Variants in MECOM observed in about 807,000 individuals in gnomAD.
The protein encoded by MECOM is MDS1 and EVI1 complex locus.
Under a neutral mutation model 116.3 loss-of-function variants are expected in MECOM, and 13 were observed. The ratio of observed to expected loss-of-function variants is 0.11; its 90% CI spans 0.07 to 0.18. The LOEUF (loss-of-function observed/expected upper bound fraction) is 0.18. Ranked by LOEUF, MECOM falls within the 10% of genes least tolerant of loss-of-function variation. The pLI, the probability that MECOM is intolerant of heterozygous loss-of-function variation, is 1.00. For missense variants in MECOM, 1,299 were observed against 1,509.0 expected, an observed-to-expected ratio of 0.86 and a Z score of 2.31; for synonymous variants, 528 against 535.2, an observed-to-expected ratio of 0.99 and a Z score of 0.19.
At chr3:169,451,120 T>G (rs190957046) in intron 1 of MECOM, among the ~76,000 whole-genome samples, 478 of 152,270 alleles carry the variant, frequency 3.1e-3, no homozygotes, top group African/African-American at 0.011. Context: ...CAACAGCCCT[T>G]CAACAGGGAT....
intron 3 of MECOM, among the ~76,000 whole-genome samples, chr3:169,139,189 T>C (rs1446853159): frequency 1.3e-5 from 2 of 152,132 alleles, no homozygotes; most frequent in African/African-American, 4.8e-5. Context: ...AAAATATACA[T>C]CAGGCATTAG....
In MECOM at chr3:169,594,715, G is replaced by C. The variant is rs9845349; in HGVS notation, c.37+68621C>G. Among the ~76,000 whole-genome samples, 863 of 151,738 alleles carry C rather than the reference G, an allele frequency of 5.7e-3. 9 individuals carry two copies. Among genetic ancestry groups the C allele is most frequent in the African/African-American group, 0.019 (806 of 41,340 alleles). ...AGTCCATCTGCAGGCATTTCACACA[G>C]CTGGCTTTCATAACAAAGCTTATCC... is the stretch of plus-strand genomic sequence containing the variant. On this transcript the variant is annotated intron_variant, in intron 1 of 16. Transcript: ENST00000651503.
intron 1 of MECOM, among the ~76,000 whole-genome samples, chr3:169,570,555 A>G (rs751558090): frequency 6.6e-6 from 1 of 152,216 alleles, no homozygotes; most frequent in African/African-American, 2.4e-5. Context: ...ATTTCAGGCC[A>G]ATATCCCTGA....
At chr3:169,546,262 A>T (rs529789166) in intron 1 of MECOM, among the ~76,000 whole-genome samples, 2 of 152,304 alleles carry the variant, frequency 1.3e-5, no homozygotes, top group South Asian at 4.1e-4. Context: ...TACCTTAAGT[A>T]AGAATAACAC....
chr3:169,161,699 G>A (rs963260097), intron 2 of MECOM, among the ~76,000 whole-genome samples: 1 of 152,116 alleles, frequency 6.6e-6, no homozygotes, highest in Non-Finnish European at 1.5e-5. Flanking sequence ...TATAAGCTGA[G>A]CTTAGTGACA....
At chr3:169,308,400 C>T (rs1718101384) in intron 2 of MECOM, among the ~76,000 whole-genome samples, 1 of 152,134 alleles carries the variant, frequency 6.6e-6, no homozygotes, top group Admixed American at 6.5e-5. Context: ...GGAACTCCCT[C>T]TCTCCAAAAA....
chr3:169,097,664 A>G (rs1722051516), intron 12 of MECOM, among the ~76,000 whole-genome samples: 1 of 151,880 alleles, frequency 6.6e-6, no homozygotes, highest in Admixed American at 6.6e-5. Flanking sequence ...GGACACAGAG[A>G]TGAGTAAGAT....
At chr3:169,232,644 AATAT>A (rs5854321) in intron 2 of MECOM, among the ~76,000 whole-genome samples, 15 of 149,418 alleles carry the variant, frequency 1.0e-4, no homozygotes, top group East Asian at 2.0e-4. Flanking sequence ...CCATTTGTAA[AATAT>A]ATATATATAT....
intron 10 of MECOM, among the ~76,000 whole-genome samples, chr3:169,102,846 A>G (rs1179642037): frequency 6.6e-6 from 1 of 152,048 alleles, no homozygotes; most frequent in African/African-American, 2.4e-5. Flanking sequence ...TTAAATATTA[A>G]TTTTATCAAA....
intron 1 of MECOM, among the ~76,000 whole-genome samples, chr3:169,391,574 CT>C (rs959610449): frequency 6.6e-6 from 1 of 151,756 alleles, no homozygotes; most frequent in Non-Finnish European, 1.5e-5. Context: ...AGATTTTTTG[CT>C]TTTTTTAAGT....
At chr3:169,277,023 C>T (rs904384680) in intron 2 of MECOM, among the ~76,000 whole-genome samples, 9 of 152,004 alleles carry the variant, frequency 5.9e-5, no homozygotes. Context: ...CACACACACA[C>T]ACACACACAC....
intron 1 of MECOM, among the ~76,000 whole-genome samples, chr3:169,503,520 A>T (rs1367039971): frequency 2.6e-5 from 4 of 152,178 alleles, no homozygotes; most frequent in African/African-American, 9.7e-5. Context: ...AAAGTTTAGA[A>T]ATCTTTCTTT....
chr3:169,446,223 A>T (rs1405668499), intron 1 of MECOM, among the ~76,000 whole-genome samples: 2 of 152,122 alleles, frequency 1.3e-5, no homozygotes, highest in East Asian at 3.9e-4. Flanking sequence ...CCCAACTCTC[A>T]ACTTGAATTG....
chr3:169,316,284 C>T (rs1475037067), intron 2 of MECOM, among the ~76,000 whole-genome samples: 1 of 152,236 alleles, frequency 6.6e-6, no homozygotes, highest in East Asian at 1.9e-4. Flanking sequence ...TTAAAACACC[C>T]TCTCACATCT....
intron 2 of MECOM, among the ~76,000 whole-genome samples, chr3:169,249,187 C>T (rs898609835): frequency 2.0e-5 from 3 of 152,000 alleles, no homozygotes; most frequent in African/African-American, 2.4e-5. Context: ...AACGAGTGGG[C>T]GAATGAATGA....
intron 2 of MECOM, among the ~76,000 whole-genome samples, chr3:169,235,706 G>A (rs1232989718): frequency 2.0e-5 from 3 of 151,874 alleles, no homozygotes; most frequent in African/African-American, 7.3e-5. Flanking sequence ...TAGGGCAGAG[G>A]AAAAAGTAAT....
At chr3:169,475,276 A>G (rs73040833) in intron 1 of MECOM, among the ~76,000 whole-genome samples, 8,243 of 152,270 alleles carry the variant, frequency 0.054, 235 homozygotes, top group Non-Finnish European at 0.065. Context: ...ATCTTTCATG[A>G]TTATCCTAAT....
At chr3:169,165,833 G>T (rs1743508118) in intron 2 of MECOM, among the ~76,000 whole-genome samples, 1 of 152,152 alleles carries the variant, frequency 6.6e-6, no homozygotes, top group South Asian at 2.1e-4. Flanking sequence ...AAAGAATCAT[G>T]TTAAAATATG....
At chr3:169,630,520 A>G (rs972903497) in intron 1 of MECOM, among the ~76,000 whole-genome samples, 1 of 151,570 alleles carries the variant, frequency 6.6e-6, no homozygotes, top group Non-Finnish European at 1.5e-5. Flanking sequence ...TGGTATGATC[A>G]CAGCTCACTA....
Sources: allele counts gnomAD v4.1 joint callset (sites outside exome capture counted in the v4.1 genomes callset), GRCh38; gene constraint gnomAD v4.1.1; transcripts MANE v1.5; gene names NCBI Gene and HGNC (gene_info 2026-07-23, HGNC 2026-07-21).